Variants in MLLT3 observed in about 807,000 individuals in gnomAD.
MLLT3 encodes the protein MLLT3 super elongation complex subunit, also known as protein AF-9.
Under a neutral mutation model 53.2 loss-of-function variants are expected in MLLT3, and 4 were observed. The observed-to-expected ratio is 0.08, with a 90% CI of 0.04 to 0.17. The LOEUF (loss-of-function observed/expected upper bound fraction) is 0.17. Among genes scored for constraint, MLLT3 ranks in the 10% least tolerant of loss-of-function variants. The pLI is 1.00. For synonymous variants in MLLT3, 283 were observed against 230.6 expected, an observed-to-expected ratio of 1.23 and a Z score of -2.06; for missense variants, 569 against 684.0, an observed-to-expected ratio of 0.83 and a Z score of 1.87.
At chr9:20,372,010 G>C (rs1483258993) in intron 5 of MLLT3, among the ~76,000 whole-genome samples, 1 of 152,150 alleles carries the variant, frequency 6.6e-6, no homozygotes, top group African/African-American at 2.4e-5. Context: ...GACTTCGAGG[G>C]GTTCAAGACT....
At chr9:20,491,401 C>A (rs754548469) in intron 2 of MLLT3, among the ~76,000 whole-genome samples, 23 of 152,076 alleles carry the variant, frequency 1.5e-4, no homozygotes, top group African/African-American at 5.3e-4. Context: ...AGAGGAGATA[C>A]ATCCCTGCTC....
At chr9:20,374,751 T>C (rs1363466768) in intron 5 of MLLT3, among the ~76,000 whole-genome samples, 1 of 152,182 alleles carries the variant, frequency 6.6e-6, no homozygotes, top group East Asian at 1.9e-4. Flanking sequence ...CATAATGTAT[T>C]TTTGTGTAGC....
intron 5 of MLLT3, among the ~76,000 whole-genome samples, chr9:20,399,757 G>A (rs73430747): frequency 0.14 from 20,917 of 152,066 alleles, 3,524 homozygotes; most frequent in African/African-American, 0.4. Flanking sequence ...CTTAAAAGCA[G>A]TACTTAAAAT....
intron 2 of MLLT3, among the ~76,000 whole-genome samples, chr9:20,581,918 T>C (rs1819802665): frequency 6.6e-6 from 1 of 152,122 alleles, no homozygotes. Flanking sequence ...TAACCTTTTC[T>C]CTCCTATTTT....
chr9:20,413,483 C>T (rs1283708602), intron 5 of MLLT3, among the ~76,000 whole-genome samples: 1 of 152,190 alleles, frequency 6.6e-6, no homozygotes, highest in Non-Finnish European at 1.5e-5. Context: ...CATTATAATG[C>T]TATGGAAATA....
intron 2 of MLLT3, among the ~76,000 whole-genome samples, chr9:20,544,952 G>A (rs10811363): frequency 0.19 from 29,558 of 151,784 alleles, 2,955 homozygotes; most frequent in Middle Eastern, 0.24. Flanking sequence ...ACGTGGTGGC[G>A]CACATCTGTA....
intron 2 of MLLT3, among the ~76,000 whole-genome samples, chr9:20,460,499 T>C (rs1422855550): frequency 1.3e-5 from 2 of 152,234 alleles, no homozygotes; most frequent in Non-Finnish European, 2.9e-5. Flanking sequence ...GCCCAGATGT[T>C]AGCTCTTTCA....
chr9:20,539,281 T>C (rs1587044334), intron 2 of MLLT3, among the ~76,000 whole-genome samples: 1 of 152,240 alleles, frequency 6.6e-6, no homozygotes, highest in Non-Finnish European at 1.5e-5. Flanking sequence ...ATCAACTAAG[T>C]TTATGCAATA....
rs147169010 is a variant in MLLT3 at position 20,430,900 on chromosome 9, A to G, written c.421-16475T>C. Among the ~76,000 whole-genome samples the G allele has an allele frequency of 3.6e-3, 552 of 152,282 alleles. 6 individuals are homozygous for G. Among genetic ancestry groups the G allele is most frequent in the African/African-American group, 0.013 (534 of 41,586 alleles). ...AGACCTCTAATAAGTAAATAGAAAA[A>G]TAAGTGGAAGACATGAACAAACATT... is the stretch of plus-strand genomic sequence containing the variant. On this transcript the variant is annotated intron_variant, in intron 4 of 10. Coordinates refer to ENST00000380338, the MANE Select transcript of MLLT3 (RefSeq NM_004529.4).
chr9:20,540,327 C>G (rs1818597685), intron 2 of MLLT3, among the ~76,000 whole-genome samples: 1 of 152,248 alleles, frequency 6.6e-6, no homozygotes, highest in African/African-American at 2.4e-5. Flanking sequence ...CCATTTACCT[C>G]CTGCACTGCC....
At position 20,362,706 on chromosome 9, in the gene MLLT3, C is replaced by CTTTTTTTTTT. The variant is rs989895694; in HGVS notation, c.1331+760_1331+769dup. On this transcript the variant is annotated intron_variant, in intron 7 of 10. Transcript: ENST00000380338. ...GTCTCTCCAGTTTGGGTTAAGACCGCTTTTTTTTTTTTTTTTTTTTTTGAA... is the reference window on the plus strand; with the variant it reads ...GTCTCTCCAGTTTGGGTTAAGACCGCTTTTTTTTTTTTTTTTTTTTTTTTTTTTTTTTGAA... 19 of 99,668 alleles carry CTTTTTTTTTT rather than the reference C, an allele frequency of 1.9e-4. 1 individual carries two copies. The highest frequency in any genetic ancestry group is 4.0e-4 in the African/African-American group (10 of 25,300). 6.2% of individuals were successfully genotyped at this position (99,668 alleles called of 1,614,324 possible).
At chr9:20,405,612 T>C (rs1822558849) in intron 5 of MLLT3, among the ~76,000 whole-genome samples, 1 of 152,180 alleles carries the variant, frequency 6.6e-6, no homozygotes, top group Non-Finnish European at 1.5e-5. Flanking sequence ...TAAGAAGATA[T>C]AAAATAAAAG....
chr9:20,388,802 T>C (rs1246121942), intron 5 of MLLT3, among the ~76,000 whole-genome samples: 4 of 152,260 alleles, frequency 2.6e-5, no homozygotes, highest in Admixed American at 6.5e-5. Context: ...TGAGACCATA[T>C]AGTTTATCTT....
chr9:20,453,900 A>G (rs189241399), intron 3 of MLLT3, among the ~76,000 whole-genome samples: 7 of 152,338 alleles, frequency 4.6e-5, no homozygotes, highest in African/African-American at 1.4e-4. Flanking sequence ...TTTCTATATT[A>G]CAAACACTGA....
chr9:20,521,311 T>A (rs1818051460), intron 2 of MLLT3, among the ~76,000 whole-genome samples: 1 of 152,192 alleles, frequency 6.6e-6, no homozygotes, highest in African/African-American at 2.4e-5. Flanking sequence ...CTTCAGGTGA[T>A]CTGCCCACCT....
At chr9:20,489,309 T>A (rs1440447505) in intron 2 of MLLT3, among the ~76,000 whole-genome samples, 2 of 152,318 alleles carry the variant, frequency 1.3e-5, no homozygotes, top group Non-Finnish European at 1.5e-5. Context: ...TATGTAAATA[T>A]CCTATAAACA....
chr9:20,580,870 A>C (rs1205483258), intron 2 of MLLT3, among the ~76,000 whole-genome samples: 1 of 152,204 alleles, frequency 6.6e-6, no homozygotes, highest in East Asian at 1.9e-4. Flanking sequence ...GAACTACAAC[A>C]ATTTACACAG....
chr9:20,438,645 G>A (rs182669213), intron 4 of MLLT3, among the ~76,000 whole-genome samples: 1 of 151,998 alleles, frequency 6.6e-6, no homozygotes, highest in Admixed American at 6.6e-5. Context: ...CTGTGGCCCA[G>A]GTTGGTCTCA....
intron 4 of MLLT3, among the ~76,000 whole-genome samples, chr9:20,421,343 A>C (rs1823003956): frequency 1.3e-5 from 2 of 152,020 alleles, no homozygotes; most frequent in African/African-American, 4.8e-5. Flanking sequence ...TATAAAAAAA[A>C]CTCTGGAGGC....
Sources: gnomAD v4.1 joint callset for allele counts (sites outside exome capture counted in the v4.1 genomes callset) on GRCh38, gnomAD v4.1.1 for gene constraint, MANE v1.5 for transcripts, NCBI Gene and HGNC (gene_info 2026-07-23, HGNC 2026-07-21) for gene names.